NPAT: variants seen among roughly 807,000 people sequenced by gnomAD.
The protein encoded by NPAT is protein NPAT.
In NPAT, 52 loss-of-function variants were observed where a neutral mutation model predicts 130.7. The ratio of observed to expected loss-of-function variants is 0.40; its 90% CI spans 0.32 to 0.50. The LOEUF is 0.50. NPAT is among the 20% of genes least tolerant of loss of function. The probability of loss-of-function intolerance (pLI) is 0.68; values close to 1 mark genes in which losing one functional copy is unlikely to be tolerated. For synonymous variants in NPAT, 580 were observed against 584.8 expected (o/e 0.99, Z 0.12); for missense variants, 1,687 against 1,662.6 (o/e 1.01, Z -0.26).
At chr11:108,159,768 T>C (rs915899632) in intron 17 of NPAT, among the ~76,000 whole-genome samples, 6 of 151,906 alleles carry the variant, frequency 3.9e-5, no homozygotes, top group Non-Finnish European at 7.4e-5. Context: ...CCCAGCACTT[T>C]GGGAGGCCAA....
chr11:108,220,358 T>C (rs1163858192), intron 1 of NPAT, among the ~76,000 whole-genome samples: 1 of 152,196 alleles, frequency 6.6e-6, no homozygotes, highest in African/African-American at 2.4e-5. Flanking sequence ...ACACAGAACA[T>C]AAGACAGAAT....
chr11:108,186,699 G>T, intron 7 of NPAT, 130 bp from the exon 8 acceptor site: 2 of 782,728 alleles, frequency 2.6e-6, no homozygotes, highest in Non-Finnish European at 2.1e-6. Context: ...ATCTGCAGGG[G>T]GCTGGTTTCA....
chr11:108,179,515 C>T (rs1157667712), intron 10 of NPAT, among the ~76,000 whole-genome samples: 1 of 152,228 alleles, frequency 6.6e-6, no homozygotes, highest in Non-Finnish European at 1.5e-5. Flanking sequence ...GCTGGGATTA[C>T]AGGCGTGAGC....
rs929522389 is a variant in NPAT, at chr11:108,157,986, A to C, written c.*956T>G. 9.8e-5 allele frequency: 15 copies of C among 152,496 alleles called. No individual in the cohort carries two copies. The highest frequency in any genetic ancestry group is 1.6e-4 in the Non-Finnish European group (11 of 67,924). 9.4% of individuals were successfully genotyped at this position (152,496 alleles called of 1,614,324 possible). Reference sequence around the variant, plus strand: ...CCATTGTAGGAGAAACTAAAATATAAAACTATGATTTCTCTTTTTACATCT... The same window carrying C: ...CCATTGTAGGAGAAACTAAAATATACAACTATGATTTCTCTTTTTACATCT... On this transcript the variant is annotated 3_prime_UTR_variant, in exon 18 of 18. Transcript: ENST00000278612.
intron 1 of NPAT, among the ~76,000 whole-genome samples, chr11:108,198,721 T>C (rs893181103): frequency 2.0e-5 from 3 of 152,184 alleles, no homozygotes; most frequent in Admixed American, 2.0e-4. Flanking sequence ...TCTGAGCCCA[T>C]GAAAACCTCA....
intron 13 of NPAT, among the ~76,000 whole-genome samples, chr11:108,170,577 T>C (rs2077941465): frequency 6.6e-6 from 1 of 152,202 alleles, no homozygotes. Flanking sequence ...TTACAATGTC[T>C]ACATGGTCCT....
Position 108,161,123 on chromosome 11 carries a change from T to A in NPAT, c.3963A>T (p.Glu1321Asp). ...TATTTACACTGTTTTCACTTCCTGT[T>A]TCACTGGCAGGGCTGCAGGCAGGCA... is the stretch of plus-strand genomic sequence containing the variant. ...PDLPACSPAS[E>D]TGSENSVNMA... is the part of the protein sequence containing the mutation. The change falls in exon 17 of 18, where the codon GAA (glutamate) becomes GAT (aspartate). Residue 1321 changes from glutamate (E) to aspartate (D), a missense_variant. Glu to Asp is a conservative substitution (Grantham distance 45). Coordinates refer to ENST00000278612, the MANE Select transcript of NPAT (RefSeq NM_002519.3). 1 of 1,614,216 alleles carries A rather than the reference T, an allele frequency of 6.2e-7. No individual in the cohort carries two copies.
At chr11:108,181,464 CA>C (rs147366676) in intron 10 of NPAT, among the ~76,000 whole-genome samples, 2 of 150,730 alleles carry the variant, frequency 1.3e-5, no homozygotes, top group Non-Finnish European at 3.0e-5. Context: ...GACTCTGTCT[CA>C]AAAAAAACAA....
At chr11:108,219,053 A>G (rs2078459627) in intron 1 of NPAT, among the ~76,000 whole-genome samples, 1 of 152,138 alleles carries the variant, frequency 6.6e-6, no homozygotes, top group African/African-American at 2.4e-5. Context: ...GTTTGACCTC[A>G]AACACGTTCT....
Position 108,157,365 on chromosome 11 carries a change from A to G in NPAT, c.*1577T>C, listed in dbSNP as rs2077807109. ...GGAATTTAATCAGTTTCTAAACAAG[A>G]CTGCCAATGTAAAGTAATTCAAACT... is the stretch of plus-strand genomic sequence containing the variant. On this transcript the variant is annotated 3_prime_UTR_variant, in exon 18 of 18. Transcript: ENST00000278612. 1 of 152,190 alleles carries G rather than the reference A, an allele frequency of 6.6e-6. No individual in the cohort carries two copies. Among genetic ancestry groups the G allele is most frequent in the African/African-American group, 2.4e-5 (1 of 41,466 alleles). The allele number at this position is 152,190 out of a possible 1,614,324, so 9.4% of individuals were successfully genotyped here.
chr11:108,202,559 T>C (rs1307936856), intron 1 of NPAT, among the ~76,000 whole-genome samples: 1 of 152,194 alleles, frequency 6.6e-6, no homozygotes, highest in Non-Finnish European at 1.5e-5. Flanking sequence ...CTTAAAATCC[T>C]TCAGCAAGCC....
intron 1 of NPAT, among the ~76,000 whole-genome samples, chr11:108,221,995 A>T (rs1411007660): frequency 1.3e-5 from 2 of 152,136 alleles, no homozygotes; most frequent in Non-Finnish European, 2.9e-5. Flanking sequence ...TGCGTGGAGG[A>T]TGGAGAAGGA....
At position 108,172,906 on chromosome 11, in the gene NPAT, G is replaced by A. The variant is rs768077650; in HGVS notation, c.2078C>T (p.Thr693Ile). 2 of 1,613,996 alleles carry A rather than the reference G, an allele frequency of 1.2e-6. No homozygotes were observed. Among genetic ancestry groups the A allele is most frequent in the Non-Finnish European group, 1.7e-6 (2 of 1,180,024 alleles). Residue 693 changes from threonine to isoleucine, a missense_variant, in exon 13 of 18, where the codon ACT becomes ATT. Thr to Ile is a moderately conservative substitution (Grantham distance 89). Around this residue, in one of 3 missense-constraint regions of NPAT, gnomAD observed 1,379 missense variants for 1,346.6 expected, o/e 1.02. Transcript: ENST00000278612. ...EKVALTPPEG[T>I]PVENSHSLPP... is the part of the protein sequence containing the mutation. ...AAGAGAGTGACTGTTTTCTACAGGAGTGCCTTCTGGAGGCGTCAGTGCAAC... is the reference window on the plus strand; with the variant it reads ...AAGAGAGTGACTGTTTTCTACAGGAATGCCTTCTGGAGGCGTCAGTGCAAC...
At chr11:108,185,576 T>G (rs972429719) in intron 8 of NPAT, 82 bp from the exon 9 acceptor site, 2 of 938,378 alleles carry the variant, frequency 2.1e-6, no homozygotes, top group East Asian at 2.6e-5. Flanking sequence ...AACAAACCGA[T>G]AAGAGCTGGA....
At position 108,173,922 on chromosome 11, in the gene NPAT, A is replaced by G. The variant is rs920203216; in HGVS notation, c.1133-71T>C. The stretch of plus-strand genomic sequence containing the variant: ...CTTCTGAGGTAGTCATTTTTGCCAT[A>G]AAACTTATTTTGCCAAGAAAATAAC... On this transcript the variant is annotated intron_variant, in intron 12 of 17. Transcript: ENST00000278612. The G allele has an allele frequency of 4.0e-5, 55 of 1,379,470 alleles. No homozygotes were observed. The Admixed American group carries it at 8.2e-4, about 21-fold the overall frequency. The allele number at this position is 1,379,470 out of a possible 1,614,324, so 85.5% of individuals were successfully genotyped here. A position where few individuals can be genotyped will look rare whatever the true frequency, so the allele number is the denominator to read the frequency against.
chr11:108,172,301 C>T lies in NPAT; in HGVS notation c.2683G>A (p.Ala895Thr). ...GGTAGAGGTTGAGCAGTCATAGGTG[C>T]AGAATTTCCAGGCAACACCACTACA... is the stretch of plus-strand genomic sequence containing the variant. ...SNVVVLPGNSAPMTAQPLPPQ... is the reference protein window; with the variant it reads ...SNVVVLPGNSTPMTAQPLPPQ... Residue 895 changes from alanine (A) to threonine (T), a missense_variant, in exon 13 of 18, where the codon GCA becomes ACA. Physicochemically the swap from Ala to Thr is moderately conservative, Grantham distance 58. This residue lies in a region of NPAT where 1,379 missense variants were observed against 1,346.6 expected (regional missense o/e 1.02). Transcript: ENST00000278612. 6.2e-7 allele frequency: 1 copy of T among 1,614,160 alleles called. No homozygotes were observed. Among genetic ancestry groups the T allele is most frequent in the Admixed American group, 1.7e-5 (1 of 60,026 alleles).
chr11:108,221,729 C>T (rs1317801667), intron 1 of NPAT, among the ~76,000 whole-genome samples: 1 of 152,172 alleles, frequency 6.6e-6, no homozygotes, highest in Admixed American at 6.5e-5. Flanking sequence ...TGGCTCTCGT[C>T]CCCTGTAGTA....
intron 1 of NPAT, among the ~76,000 whole-genome samples, chr11:108,201,020 T>C (rs2078271136): frequency 6.6e-6 from 1 of 152,248 alleles, no homozygotes; most frequent in African/African-American, 2.4e-5. Flanking sequence ...GCAGTTCCTT[T>C]ATCCTCAGGT....
chr11:108,173,733 G>A lies in NPAT; in HGVS notation c.1251C>T (p.Ser417=). 1 of 1,613,984 alleles carries A rather than the reference G, an allele frequency of 6.2e-7. No individual in the cohort carries two copies. Residue 417 remains serine (S), a synonymous_variant, in exon 13 of 18, where the codon TCC becomes TCT. Transcript: ENST00000278612. ...TTTTCTGTATGCTGGTACTTATTTG[G>A]GAAAAATTTTCCTGGTCTTCTTGTC... ...VLRQEDQENF[S]QISTSIQKKA...
Sources: allele counts gnomAD v4.1 joint callset (sites outside exome capture counted in the v4.1 genomes callset), GRCh38; gene constraint gnomAD v4.1.1; regional missense constraint gnomAD v4.1.1; transcripts MANE v1.5; gene names NCBI Gene and HGNC (gene_info 2026-07-23, HGNC 2026-07-21).